The following ZNF618 variants were observed in gnomAD, a reference collection of about 807,000 sequenced individuals.
ZNF618 encodes the protein neural precursor cell expressed, developmentally down-regulated 10.
In ZNF618, 34 loss-of-function variants were observed where a neutral mutation model predicts 103.0. The ratio of observed to expected loss-of-function variants is 0.33; its 90% CI spans 0.25 to 0.44. The LOEUF (loss-of-function observed/expected upper bound fraction) is 0.44. Among genes scored for constraint, ZNF618 ranks in the 20% least tolerant of loss-of-function variants. The pLI, the probability that ZNF618 is intolerant of heterozygous loss-of-function variation, is 1.00. For missense variants in ZNF618, 1,059 were observed against 1,295.4 expected (o/e 0.82, Z 2.80); for synonymous variants, 551 against 542.2 (o/e 1.02, Z -0.23).
chr9:113,903,023 T>A (rs1169892506), intron 1 of ZNF618, among the ~76,000 whole-genome samples: 1 of 152,166 alleles, frequency 6.6e-6, no homozygotes, highest in Non-Finnish European at 1.5e-5. Context: ...TAGAATGAAA[T>A]AGAGAATATT....
Position 114,052,378 on chromosome 9 carries a change from A to C in ZNF618, c.*2211A>C, listed in dbSNP as rs796151487. The C allele has an allele frequency of 3.3e-5, 5 of 152,734 alleles. No homozygotes were observed. The highest frequency in any genetic ancestry group is 1.2e-4 in the African/African-American group (5 of 41,556). 9.5% of individuals were successfully genotyped at this position (152,734 alleles called of 1,614,324 possible). On this transcript the variant is annotated 3_prime_UTR_variant, in exon 15 of 15. Coordinates refer to ENST00000374126, the MANE Select transcript of ZNF618 (RefSeq NM_001318042.2). ...TGGAGAAGTTCTAGGTATTACCTCC[A>C]CAACATTTCCAACTGGGGGACTGAG... is the stretch of plus-strand genomic sequence containing the variant.
At chr9:114,008,199 TG>T in intron 7 of ZNF618, 144 bp from the exon 8 acceptor site, 1 of 1,077,216 alleles carries the variant, frequency 9.3e-7, no homozygotes, top group Non-Finnish European at 1.3e-6. Flanking sequence ...GCTTCCACAG[TG>T]GCCACGGCAG....
intron 4 of ZNF618, among the ~76,000 whole-genome samples, chr9:113,999,498 G>A (rs557978035): frequency 9.2e-5 from 14 of 152,282 alleles, no homozygotes; most frequent in African/African-American, 3.4e-4. Flanking sequence ...TGGGGGTCAG[G>A]AGCCAGCCGA....
At chr9:113,887,302 A>G (rs1485814743) in intron 1 of ZNF618, among the ~76,000 whole-genome samples, 29 of 152,206 alleles carry the variant, frequency 1.9e-4, no homozygotes, top group Admixed American at 6.5e-4. Context: ...TTAGTAATTC[A>G]GGGAAAAAAT....
At chr9:113,913,732 G>T (rs1337218121) in intron 1 of ZNF618, among the ~76,000 whole-genome samples, 1 of 152,060 alleles carries the variant, frequency 6.6e-6, no homozygotes, top group African/African-American at 2.4e-5. Context: ...TGGTCTTGAG[G>T]GAGGGAGGGT....
At chr9:113,942,722 A>G (rs982654578) in intron 1 of ZNF618, among the ~76,000 whole-genome samples, 30 of 152,186 alleles carry the variant, frequency 2.0e-4, no homozygotes, top group Non-Finnish European at 4.4e-4. Flanking sequence ...AAAAGATTTT[A>G]TTTGTGGTTG....
intron 1 of ZNF618, among the ~76,000 whole-genome samples, chr9:113,894,073 A>G (rs1217806336): frequency 1.3e-5 from 2 of 152,232 alleles, no homozygotes; most frequent in Non-Finnish European, 2.9e-5. Context: ...TTTCATATCT[A>G]TCCTTGCATT....
intron 1 of ZNF618, among the ~76,000 whole-genome samples, chr9:113,919,023 T>C (rs887385390): frequency 1.3e-5 from 2 of 152,210 alleles, no homozygotes; most frequent in African/African-American, 4.8e-5. Context: ...TAGTCTGAAT[T>C]AGCAGTTTAG....
At chr9:113,984,615 T>C (rs1457520547) in intron 2 of ZNF618, among the ~76,000 whole-genome samples, 1 of 152,208 alleles carries the variant, frequency 6.6e-6, no homozygotes, top group Non-Finnish European at 1.5e-5. Flanking sequence ...GGTGGCATGG[T>C]CAGGTGCTCT....
chr9:113,882,337 A>G (rs191182631), intron 1 of ZNF618, among the ~76,000 whole-genome samples: 244 of 152,296 alleles, frequency 1.6e-3, no homozygotes, highest in African/African-American at 5.6e-3. Context: ...CAGCTTCTAC[A>G]TCTGGGAAAA....
chr9:113,915,409 C>T (rs1445287802), intron 1 of ZNF618, among the ~76,000 whole-genome samples: 1 of 151,992 alleles, frequency 6.6e-6, no homozygotes, highest in Non-Finnish European at 1.5e-5. Flanking sequence ...TTTGTGGATG[C>T]CAAGGTGAAG....
chr9:114,047,227 A>G (rs1405150058), intron 13 of ZNF618, among the ~76,000 whole-genome samples: 1 of 152,230 alleles, frequency 6.6e-6, no homozygotes, highest in African/African-American at 2.4e-5. Flanking sequence ...CTAGAGAAGT[A>G]TGTGGAGGAC....
intron 12 of ZNF618, among the ~76,000 whole-genome samples, chr9:114,034,678 C>T (rs548387862): frequency 3.3e-5 from 5 of 152,306 alleles, no homozygotes; most frequent in African/African-American, 7.2e-5. Flanking sequence ...CATCTGGCCC[C>T]GCTGTGCTGC....
intron 1 of ZNF618, among the ~76,000 whole-genome samples, chr9:113,938,805 A>G (rs953536827): frequency 3.3e-5 from 5 of 151,802 alleles, no homozygotes; most frequent in African/African-American, 9.7e-5. Context: ...CCTGACCTCA[A>G]GTGATTCAGC....
In ZNF618 at chr9:114,049,132, G is replaced by A. The variant is rs1170615829; in HGVS notation, c.1830G>A (p.Glu610=). 1 of 1,613,834 alleles carries A rather than the reference G, an allele frequency of 6.2e-7. No homozygotes were observed. The change falls in exon 15 of 15, where the codon GAG becomes GAA. Residue 610 remains glutamate (E), a synonymous_variant. Coordinates refer to ENST00000374126, the MANE Select transcript of ZNF618 (RefSeq NM_001318042.2). Reference sequence around the variant, plus strand: ...TGCTGTCGGAGTTCGTGATGTCGGAGATCAGGACAGTGTACGTGACGGATT... The same window carrying A: ...TGCTGTCGGAGTTCGTGATGTCGGAAATCAGGACAGTGTACGTGACGGATT... ...QNVLSEFVMS[E]IRTVYVTDCR... is the part of the protein sequence containing the mutation.
intron 3 of ZNF618, among the ~76,000 whole-genome samples, chr9:113,990,745 C>T (rs142973594): frequency 1.3e-3 from 197 of 152,260 alleles, no homozygotes; most frequent in African/African-American, 4.3e-3. Flanking sequence ...CCCACCCAAC[C>T]TCAAAGAGGC....
At chr9:114,038,102 C>T (rs530362379) in intron 13 of ZNF618, among the ~76,000 whole-genome samples, 12 of 152,322 alleles carry the variant, frequency 7.9e-5, no homozygotes, top group East Asian at 3.9e-4. Flanking sequence ...GCAGGATCCT[C>T]GGGCTAGGGA....
At chr9:113,884,808 G>C (rs893863245) in intron 1 of ZNF618, among the ~76,000 whole-genome samples, 18 of 149,692 alleles carry the variant, frequency 1.2e-4, no homozygotes, top group Admixed American at 5.9e-4. Context: ...GAGAGAGAGA[G>C]AGAGACAGAG....
At chr9:113,993,650 AC>A (rs1840286997) in intron 3 of ZNF618, among the ~76,000 whole-genome samples, 1 of 152,168 alleles carries the variant, frequency 6.6e-6, no homozygotes, top group Non-Finnish European at 1.5e-5. Context: ...GGGCCCAGAG[AC>A]CCGAGACTTA....
Sources: allele counts gnomAD v4.1 joint callset (sites outside exome capture counted in the v4.1 genomes callset), GRCh38; gene constraint gnomAD v4.1.1; transcripts MANE v1.5; gene names NCBI Gene and HGNC (gene_info 2026-07-23, HGNC 2026-07-21).